PAPPA: variants seen among roughly 807,000 people sequenced by gnomAD.
PAPPA encodes pappalysin-1.
Under a neutral mutation model 164.0 loss-of-function variants are expected in PAPPA, and 60 were observed. The ratio of observed to expected loss-of-function variants is 0.37; its 90% CI spans 0.30 to 0.45. The LOEUF (loss-of-function observed/expected upper bound fraction) is 0.45. PAPPA is among the 20% of genes least tolerant of loss of function. The pLI, the probability that PAPPA is intolerant of heterozygous loss-of-function variation, is 1.00. For synonymous variants in PAPPA, 875 were observed against 814.1 expected, an observed-to-expected ratio of 1.07 and a Z score of -1.27; for missense variants, 1,782 against 2,087.3, an observed-to-expected ratio of 0.85 and a Z score of 2.85.
At chr9:116,223,393 T>A (rs543221663) in intron 5 of PAPPA, among the ~76,000 whole-genome samples, 3 of 152,324 alleles carry the variant, frequency 2.0e-5, no homozygotes, top group African/African-American at 7.2e-5. Context: ...GTCCATTAAA[T>A]AAATACCACC....
intron 10 of PAPPA, among the ~76,000 whole-genome samples, chr9:116,327,278 G>A (rs1845932679): frequency 6.6e-6 from 1 of 152,232 alleles, no homozygotes; most frequent in Admixed American, 6.5e-5. Flanking sequence ...AGGGCTGGAA[G>A]GCTGGGAAGA....
chr9:116,231,337 C>T (rs893121933), intron 6 of PAPPA, among the ~76,000 whole-genome samples: 1 of 151,886 alleles, frequency 6.6e-6, no homozygotes, highest in African/African-American at 2.4e-5. Context: ...TTCCTCCTCC[C>T]CCTTCCTTAT....
chr9:116,241,632 A>G (rs1232367543), intron 7 of PAPPA, among the ~76,000 whole-genome samples: 4 of 152,198 alleles, frequency 2.6e-5, no homozygotes, highest in Non-Finnish European at 5.9e-5. Flanking sequence ...AAATGACACA[A>G]TAGGGGCTCC....
At chr9:116,178,151 G>A (rs1329377966) in intron 1 of PAPPA, among the ~76,000 whole-genome samples, 2 of 152,188 alleles carry the variant, frequency 1.3e-5, no homozygotes, top group Non-Finnish European at 2.9e-5. Flanking sequence ...TTGTTGCCCA[G>A]GCTGGAATGC....
Position 116,367,640 on chromosome 9 carries a change from C to T in PAPPA, c.4496-5C>T. ...GAGCTGCGCCTCATGCTGTACTTCC[C>T]TCAGGGTCGGAGTGTGCCACCTCGT... On this transcript the variant is annotated splice_region_variant and splice_polypyrimidine_tract_variant and intron_variant, in intron 18 of 21. Coordinates refer to ENST00000328252, the MANE Select transcript of PAPPA (RefSeq NM_002581.5). 3 of 1,611,152 alleles carry T rather than the reference C, an allele frequency of 1.9e-6. No individual in the cohort carries two copies. The highest frequency in any genetic ancestry group is 2.5e-6 in the Non-Finnish European group (3 of 1,177,736).
intron 10 of PAPPA, among the ~76,000 whole-genome samples, chr9:116,325,184 C>T (rs1303158048): frequency 6.6e-6 from 1 of 152,122 alleles, no homozygotes; most frequent in Non-Finnish European, 1.5e-5. Context: ...AGAGATCAGT[C>T]AACTCCTAGT....
chr9:116,376,736 T>C (rs1208420311), intron 19 of PAPPA, among the ~76,000 whole-genome samples: 1 of 152,128 alleles, frequency 6.6e-6, no homozygotes, highest in Non-Finnish European at 1.5e-5. Flanking sequence ...AAGACATAAA[T>C]TTTGAGCAGA....
intron 10 of PAPPA, among the ~76,000 whole-genome samples, chr9:116,320,828 A>T (rs1320871117): frequency 6.6e-6 from 1 of 151,944 alleles, no homozygotes; most frequent in African/African-American, 2.4e-5. Context: ...TTCTGTGTTC[A>T]TTGGTCAGTT....
intron 21 of PAPPA, among the ~76,000 whole-genome samples, chr9:116,391,203 A>G (rs1205738196): frequency 6.6e-6 from 1 of 152,224 alleles, no homozygotes; most frequent in Non-Finnish European, 1.5e-5. Context: ...CTTCGTATAC[A>G]TTAACTGTTC....
At chr9:116,308,467 C>T (rs1442974863) in intron 10 of PAPPA, among the ~76,000 whole-genome samples, 1 of 152,226 alleles carries the variant, frequency 6.6e-6, no homozygotes, top group Non-Finnish European at 1.5e-5. Flanking sequence ...AAATAGGAAT[C>T]ACTGTTTTCA....
chr9:116,258,333 G>A (rs1476611228), intron 7 of PAPPA, among the ~76,000 whole-genome samples: 1 of 152,004 alleles, frequency 6.6e-6, no homozygotes, highest in Non-Finnish European at 1.5e-5. Context: ...AATCGCTATA[G>A]ACTGCTACCG....
At chr9:116,229,376 A>C (rs1844556898) in intron 6 of PAPPA, among the ~76,000 whole-genome samples, 1 of 152,224 alleles carries the variant, frequency 6.6e-6, no homozygotes, top group Middle Eastern at 3.2e-3. Context: ...CAGTGGAGCT[A>C]TCTGATAGAC....
At chr9:116,391,508 T>C (rs1410017300) in intron 21 of PAPPA, among the ~76,000 whole-genome samples, 1 of 152,196 alleles carries the variant, frequency 6.6e-6, no homozygotes, top group Non-Finnish European at 1.5e-5. Context: ...TGAGTCAGAA[T>C]CCAGCCCCTG....
At chr9:116,339,483 T>G (rs942902415) in intron 13 of PAPPA, among the ~76,000 whole-genome samples, 1 of 152,152 alleles carries the variant, frequency 6.6e-6, no homozygotes. Context: ...AAGAACCTTT[T>G]AGGATCATTC....
intron 2 of PAPPA, among the ~76,000 whole-genome samples, chr9:116,199,825 A>G (rs982696957): frequency 3.3e-5 from 5 of 152,148 alleles, no homozygotes; most frequent in African/African-American, 1.2e-4. Flanking sequence ...GCTTCCCCTC[A>G]TGCTTGGAAG....
chr9:116,378,943 TTC>T (rs1402012407), intron 20 of PAPPA, among the ~76,000 whole-genome samples: 2 of 152,310 alleles, frequency 1.3e-5, no homozygotes. Flanking sequence ...AGGAACCCCA[TTC>T]TCTCAGGCTT....
At chr9:116,360,118 C>A (rs914511716) in intron 17 of PAPPA, among the ~76,000 whole-genome samples, 19 of 152,322 alleles carry the variant, frequency 1.2e-4, no homozygotes, top group Admixed American at 1.2e-3. Context: ...CAGCCCTGGC[C>A]CAAGTAGTGC....
intron 20 of PAPPA, among the ~76,000 whole-genome samples, chr9:116,379,438 A>G (rs888970145): frequency 7.2e-5 from 11 of 152,150 alleles, no homozygotes; most frequent in African/African-American, 2.7e-4. Flanking sequence ...AGAACCTCTT[A>G]TATGCCAGAT....
rs991399868 is a variant in PAPPA at position 116,154,149 on chromosome 9, G to T, written c.-24G>T. The T allele has an allele frequency of 1.5e-5, 21 of 1,429,776 alleles. No individual in the cohort carries two copies. Among genetic ancestry groups the T allele is most frequent in the Non-Finnish European group, 1.9e-5 (20 of 1,080,070 alleles). 88.6% of individuals were successfully genotyped at this position (1,429,776 alleles called of 1,614,324 possible). ...TCCGGGTGGCGGTGCAGGGGCGAAG[G>T]GGGGGCGGGGGGAACCGTCGGACAT... On this transcript the variant is annotated 5_prime_UTR_variant, in exon 1 of 22. Transcript: ENST00000328252. This position sits in a 1 kb window ranked among gnomAD's most constrained non-coding sequence, Gnocchi z 5.2.
Sources: gnomAD v4.1 joint callset for allele counts (sites outside exome capture counted in the v4.1 genomes callset) on GRCh38, gnomAD v4.1.1 for gene constraint, Gnocchi (gnomAD v3.1) non-coding constraint, MANE v1.5 for transcripts, NCBI Gene and HGNC (gene_info 2026-07-23, HGNC 2026-07-21) for gene names.